The following DMRT1 variants were observed in gnomAD, a reference collection of about 807,000 sequenced individuals.
The protein encoded by DMRT1 is doublesex- and mab-3-related transcription factor 1.
DMRT1 carries 7 observed loss-of-function variants against 32.3 expected under a neutral mutation model. The ratio of observed to expected loss-of-function variants is 0.22; its 90% CI spans 0.12 to 0.41. The LOEUF is 0.41. Among genes scored for constraint, DMRT1 ranks in the 10% least tolerant of loss-of-function variants. DMRT1 has a pLI of 1.00. For missense variants in DMRT1, 625 were observed against 500.5 expected (o/e 1.25, Z -2.37); for synonymous variants, 278 against 206.1 (o/e 1.35, Z -2.99).
Position 916,751 on chromosome 9 carries a change from T to G in DMRT1, c.823-12T>G. On this transcript the variant is annotated splice_polypyrimidine_tract_variant and intron_variant, in intron 3 of 4. Coordinates refer to ENST00000382276, the MANE Select transcript of DMRT1 (RefSeq NM_021951.3). Reference sequence around the variant, plus strand: ...GTTGATCTCAGTATATTTCTTCTTTTTTCTTAAGCAGATGAAGAACATGGA... The same window carrying G: ...GTTGATCTCAGTATATTTCTTCTTTGTTCTTAAGCAGATGAAGAACATGGA... 1 of 1,614,140 alleles carries G rather than the reference T, an allele frequency of 6.2e-7. No individual in the cohort carries two copies. The highest frequency in any genetic ancestry group is 8.5e-7 in the Non-Finnish European group (1 of 1,179,956).
intron 4 of DMRT1, among the ~76,000 whole-genome samples, chr9:926,792 A>T (rs1177378813): frequency 6.6e-6 from 1 of 152,162 alleles, no homozygotes; most frequent in African/African-American, 2.4e-5. Flanking sequence ...ACTAGAAAAC[A>T]TTGCCTGTCT....
chr9:866,317 G>A (rs1161487004), intron 2 of DMRT1, among the ~76,000 whole-genome samples: 1 of 151,980 alleles, frequency 6.6e-6, no homozygotes, highest in African/African-American at 2.4e-5. Context: ...ATCAGATGAA[G>A]AAGCAGGAGG....
chr9:883,543 G>A (rs773724185), intron 2 of DMRT1, among the ~76,000 whole-genome samples: 106 of 151,554 alleles, frequency 7.0e-4, no homozygotes, highest in Admixed American at 1.1e-3. Flanking sequence ...TGTAATTCCA[G>A]CACTTTGGGA....
chr9:870,593 T>G (rs1199158869), intron 2 of DMRT1, among the ~76,000 whole-genome samples: 8 of 152,162 alleles, frequency 5.3e-5, no homozygotes, highest in Admixed American at 5.2e-4. Context: ...CTGATACTTT[T>G]TTAGTCTGTC....
chr9:955,971 A>G (rs1439202627), intron 4 of DMRT1, among the ~76,000 whole-genome samples: 1 of 152,202 alleles, frequency 6.6e-6, no homozygotes, highest in Non-Finnish European at 1.5e-5. Flanking sequence ...TCAAAGAGAT[A>G]TTTGTATACC....
intron 2 of DMRT1, among the ~76,000 whole-genome samples, chr9:867,128 G>A (rs374082276): frequency 2.0e-5 from 3 of 152,156 alleles, no homozygotes; most frequent in African/African-American, 7.2e-5. Flanking sequence ...ATTTACAGCA[G>A]TGGAGAGGAG....
At chr9:943,537 T>G (rs1819145755) in intron 4 of DMRT1, among the ~76,000 whole-genome samples, 1 of 152,230 alleles carries the variant, frequency 6.6e-6, no homozygotes, top group African/African-American at 2.4e-5. Context: ...ATATTTTCTG[T>G]GCAAGTAATA....
At chr9:858,137 T>G (rs111492345) in intron 2 of DMRT1, among the ~76,000 whole-genome samples, 1 of 152,132 alleles carries the variant, frequency 6.6e-6, no homozygotes, top group Non-Finnish European at 1.5e-5. Context: ...GGAAAACCAC[T>G]GTCACTCTTC....
intron 4 of DMRT1, among the ~76,000 whole-genome samples, chr9:961,197 C>A (rs780931813): frequency 6.6e-6 from 1 of 152,156 alleles, no homozygotes; most frequent in Non-Finnish European, 1.5e-5. Context: ...TTCTGGAATG[C>A]CTCGTTTTAA....
At chr9:867,906 T>C (rs1365749003) in intron 2 of DMRT1, among the ~76,000 whole-genome samples, 1 of 152,268 alleles carries the variant, frequency 6.6e-6, no homozygotes, top group Non-Finnish European at 1.5e-5. Context: ...ATTCTGTAAA[T>C]TAAGTTATAC....
At chr9:955,614 G>C (rs1303651458) in intron 4 of DMRT1, among the ~76,000 whole-genome samples, 1 of 152,176 alleles carries the variant, frequency 6.6e-6, no homozygotes, top group Non-Finnish European at 1.5e-5. Flanking sequence ...GCTGAGGTGG[G>C]AGGATCACCT....
At chr9:855,893 A>G (rs1003829383) in intron 2 of DMRT1, among the ~76,000 whole-genome samples, 1 of 152,150 alleles carries the variant, frequency 6.6e-6, no homozygotes, top group African/African-American at 2.4e-5. Flanking sequence ...TGCTGGGATT[A>G]CAGGCATGAG....
intron 4 of DMRT1, among the ~76,000 whole-genome samples, chr9:933,894 G>C (rs555483046): frequency 9.5e-4 from 144 of 152,150 alleles, no homozygotes; most frequent in Admixed American, 1.6e-3. Flanking sequence ...TAAAGGTCTT[G>C]ACTTTTGTGG....
chr9:938,213 C>G (rs1818949169), intron 4 of DMRT1, among the ~76,000 whole-genome samples: 1 of 152,074 alleles, frequency 6.6e-6, no homozygotes, highest in Non-Finnish European at 1.5e-5. Flanking sequence ...AATGTGATCC[C>G]TCTAATTTTG....
chr9:873,918 G>A (rs1816384530), intron 2 of DMRT1, among the ~76,000 whole-genome samples: 1 of 152,138 alleles, frequency 6.6e-6, no homozygotes, highest in African/African-American at 2.4e-5. Flanking sequence ...TCAATTAGTA[G>A]GGGAAAAGAA....
chr9:885,206 G>A (rs554468792), intron 2 of DMRT1, among the ~76,000 whole-genome samples: 83 of 152,310 alleles, frequency 5.4e-4, no homozygotes, highest in Non-Finnish European at 1.0e-3. Context: ...CCCAGTGGGT[G>A]TGTGTTACAG....
chr9:968,140 GC>G lies in DMRT1; in HGVS notation c.*2del. Reference sequence around the variant, plus strand: ...TCCCGTCATCGAGGAGGACGAGTGAGCAGTGCCTGCTGCCGATGGCGGTTCA... The same window carrying G: ...TCCCGTCATCGAGGAGGACGAGTGAGAGTGCCTGCTGCCGATGGCGGTTCA... On this transcript the variant is annotated 3_prime_UTR_variant, in exon 5 of 5. Transcript: ENST00000382276. The G allele has an allele frequency of 6.2e-7, 1 of 1,602,294 alleles. No homozygotes were observed. The highest frequency in any genetic ancestry group is 1.1e-5 in the South Asian group (1 of 90,818).
At chr9:904,156 G>A (rs1817686827) in intron 3 of DMRT1, among the ~76,000 whole-genome samples, 1 of 152,234 alleles carries the variant, frequency 6.6e-6, no homozygotes, top group Non-Finnish European at 1.5e-5. Context: ...TGGGGATTCT[G>A]TAATTGGCTT....
chr9:860,750 G>C (rs992675877), intron 2 of DMRT1, among the ~76,000 whole-genome samples: 1 of 152,348 alleles, frequency 6.6e-6, no homozygotes, highest in Non-Finnish European at 1.5e-5. Context: ...AAGAAGGGAG[G>C]CCTCTCTAAG....
Sources: allele counts gnomAD v4.1 joint callset (sites outside exome capture counted in the v4.1 genomes callset), GRCh38; gene constraint gnomAD v4.1.1; transcripts MANE v1.5; gene names NCBI Gene and HGNC (gene_info 2026-07-23, HGNC 2026-07-21).